The following EEF1D variants were observed in gnomAD, a reference collection of about 807,000 sequenced individuals.
EEF1D encodes eukaryotic translation elongation factor 1 delta, also known as elongation factor 1-delta.
EEF1D carries 47 observed loss-of-function variants against 63.9 expected under a neutral mutation model. That is an observed-to-expected ratio of 0.74 (90% CI 0.58 to 0.94). EEF1D has a LOEUF of 0.94. Ranked by LOEUF, EEF1D falls within the 40% of genes least tolerant of loss-of-function variation. The probability of loss-of-function intolerance (pLI) is 0.00; values close to 1 mark genes in which losing one functional copy is unlikely to be tolerated. For synonymous variants in EEF1D, 412 were observed against 386.1 expected, an observed-to-expected ratio of 1.07 and a Z score of -0.79; for missense variants, 907 against 899.0, an observed-to-expected ratio of 1.01 and a Z score of -0.11.
At chr8:143,586,700 C>T (rs754598071) in intron 4 of EEF1D, 29 bp downstream of exon 4, 171 of 1,606,864 alleles carry the variant, frequency 1.1e-4, no homozygotes, top group Non-Finnish European at 1.3e-4. Context: ...GCAGCAGAGC[C>T]GCCCAGCCGC....
chr8:143,595,542 A>C (rs1828653489), intron 1 of EEF1D, among the ~76,000 whole-genome samples: 1 of 152,136 alleles, frequency 6.6e-6, no homozygotes, highest in African/African-American at 2.4e-5. Flanking sequence ...CCACAGTTCC[A>C]CATTCCCACT....
In EEF1D at chr8:143,589,976, CCG is replaced by C; in HGVS notation, c.104_105del (p.Ala35GlyfsTer23). 1 of 1,599,198 alleles carries C rather than the reference CCG, an allele frequency of 6.3e-7. No individual in the cohort carries two copies. The highest frequency in any genetic ancestry group is 1.1e-5 in the South Asian group (1 of 91,042). On this transcript the variant is annotated frameshift_variant, in exon 3 of 10. Transcript: ENST00000618139. LOFTEE classifies it high-confidence loss of function. ...GCTGGCAGCTGCTGGGCGGAGGCGG[CCG>C]CCTGTGTGGCCTCGTGTTCGTAGAA... is the stretch of plus-strand genomic sequence containing the variant. ...RRFYEHEATQ[A>X]AASAQQLPAE...
Position 143,592,174 on chromosome 8 carries a change from T to C in EEF1D, c.-1+473A>G, listed in dbSNP as rs370698960. ...GCCCAGGAGACAGGGCATTGTGACA[T>C]CGTGCGGTGGTACCCCCACCAGTCT... is the stretch of plus-strand genomic sequence containing the variant. On this transcript the variant is annotated intron_variant, in intron 2 of 9. Coordinates refer to ENST00000618139, the MANE Select transcript of EEF1D (RefSeq NM_001130053.5). 1.1e-3 allele frequency: 1,117 copies of C among 985,366 alleles called. 6 individuals carry two copies. In the African/African-American group the frequency reaches 0.017, roughly 15 times the overall value. The allele number at this position is 985,366 out of a possible 1,614,324, so 61.0% of individuals were successfully genotyped here. A position where few individuals can be genotyped will look rare whatever the true frequency, so the allele number is the denominator to read the frequency against.
At chr8:143,581,726 G>A in intron 5 of EEF1D, 1 of 212,956 alleles carries the variant, frequency 4.7e-6, no homozygotes, top group South Asian at 1.0e-4. Context: ...GGAGGCGGGA[G>A]CAGCTGAGGG....
intron 3 of EEF1D, 45 bp downstream of exon 3, chr8:143,588,946 T>G: frequency 6.4e-7 from 1 of 1,561,474 alleles, no homozygotes; most frequent in Admixed American, 1.8e-5. Context: ...GCTGTCCCTG[T>G]GCCCACAGCC....
At chr8:143,584,470 C>T (rs1006810457) in intron 5 of EEF1D, among the ~76,000 whole-genome samples, 3 of 151,740 alleles carry the variant, frequency 2.0e-5, no homozygotes, top group East Asian at 1.9e-4. Flanking sequence ...GGGAGGCTGA[C>T]ACAGGAGAAT....
At chr8:143,585,358 C>A (rs940604237) in intron 5 of EEF1D, among the ~76,000 whole-genome samples, 1 of 152,116 alleles carries the variant, frequency 6.6e-6, no homozygotes, top group African/African-American at 2.4e-5. Context: ...AAACAAGCAA[C>A]GTGGGCATCC....
In EEF1D at chr8:143,592,636, C is replaced by A. The variant is rs569913562; in HGVS notation, c.-1+11G>T. On this transcript the variant is annotated intron_variant, in intron 2 of 9. Coordinates refer to ENST00000618139, the MANE Select transcript of EEF1D (RefSeq NM_001130053.5). ...AAGGGGAATGGGGCATGAGGACAGG[C>A]GAGTACTTACTTTGCTTTGGCCTCC... The A allele has an allele frequency of 1.0e-6, 1 of 985,582 alleles. No individual in the cohort carries two copies. Among genetic ancestry groups the A allele is most frequent in the Non-Finnish European group, 1.2e-6 (1 of 830,018 alleles). 61.1% of individuals were successfully genotyped at this position (985,582 alleles called of 1,614,324 possible). A position where few individuals can be genotyped will look rare whatever the true frequency, so the allele number is the denominator to read the frequency against.
intron 5 of EEF1D, 94 bp from the exon 6 acceptor site, chr8:143,581,422 C>T (rs1825539518): frequency 2.5e-6 from 3 of 1,183,444 alleles, no homozygotes; most frequent in African/African-American, 3.1e-5. Context: ...GGAAGGAAAA[C>T]TACAGCTCGG....
chr8:143,588,953 A>G, intron 3 of EEF1D, 38 bp downstream of exon 3: 3 of 1,571,286 alleles, frequency 1.9e-6, no homozygotes, highest in Non-Finnish European at 2.6e-6. Flanking sequence ...CTGTGCCCAC[A>G]GCCCAGGCTG....
chr8:143,593,687 G>A (rs1828342999), intron 1 of EEF1D, among the ~76,000 whole-genome samples: 1 of 152,128 alleles, frequency 6.6e-6, no homozygotes. Context: ...GGGCTTCCCT[G>A]CAGAGAGGAA....
chr8:143,583,553 T>A (rs1825956864), intron 5 of EEF1D: 1 of 152,254 alleles, frequency 6.6e-6, no homozygotes, highest in Non-Finnish European at 1.5e-5. Context: ...GTCAGGTGCC[T>A]GGGCAAGCCA....
At chr8:143,585,487 C>T (rs900066589) in intron 5 of EEF1D, among the ~76,000 whole-genome samples, 2 of 152,298 alleles carry the variant, frequency 1.3e-5, no homozygotes, top group East Asian at 1.9e-4. Flanking sequence ...CCTGGAAACC[C>T]GGCATGATAC....
chr8:143,592,268 C>T lies in EEF1D; in HGVS notation c.-1+379G>A. On this transcript the variant is annotated intron_variant, in intron 2 of 9. Coordinates refer to ENST00000618139, the MANE Select transcript of EEF1D (RefSeq NM_001130053.5). ...TGAGCTGGCCCCCAGTGTTGATGCCCTACCAGACTTTATTGGCCAAAGTGG... is the reference window on the plus strand; with the variant it reads ...TGAGCTGGCCCCCAGTGTTGATGCCTTACCAGACTTTATTGGCCAAAGTGG... 4.1e-6 allele frequency: 4 copies of T among 985,502 alleles called. No homozygotes were observed. In the South Asian group the frequency reaches 1.4e-4, roughly 35 times the overall value. 61.0% of individuals were successfully genotyped at this position (985,502 alleles called of 1,614,324 possible).
rs773610390 is a variant in EEF1D at position 143,579,838 on chromosome 8, G to A, written c.1906-8C>T. Reference sequence around the variant, plus strand: ...GATATCGACACTCTGCACCTGAGGAGAGGCGGAGGGTGACGGTCAGGGCTG... The same window carrying A: ...GATATCGACACTCTGCACCTGAGGAAAGGCGGAGGGTGACGGTCAGGGCTG... On this transcript the variant is annotated splice_region_variant and splice_polypyrimidine_tract_variant and intron_variant, in intron 9 of 9. Transcript: ENST00000618139. 6.4e-7 allele frequency: 1 copy of A among 1,557,370 alleles called. No homozygotes were observed. Among genetic ancestry groups the A allele is most frequent in the Non-Finnish European group, 8.7e-7 (1 of 1,149,248 alleles).
In EEF1D at chr8:143,589,963, T is replaced by C; in HGVS notation, c.119A>G (p.Gln40Arg). ...GGCTGGCCCCTCGGCTGGCAGCTGC[T>C]GGGCGGAGGCGGCCGCCTGTGTGGC... ...HEATQAAASA[Q>R]QLPAEGPAMN... Residue 40 changes from glutamine (Q) to arginine (R), a missense_variant, in exon 3 of 10, where the codon CAG (glutamine) becomes CGG (arginine). Gln to Arg is a conservative substitution (Grantham distance 43, BLOSUM62 1). Transcript: ENST00000618139. The C allele has an allele frequency of 6.3e-7, 1 of 1,598,946 alleles. No homozygotes were observed. Among genetic ancestry groups the C allele is most frequent in the Non-Finnish European group, 8.5e-7 (1 of 1,179,236 alleles).
At chr8:143,584,664 A>T (rs1180469629) in intron 5 of EEF1D, among the ~76,000 whole-genome samples, 2 of 151,878 alleles carry the variant, frequency 1.3e-5, no homozygotes, top group East Asian at 1.9e-4. Context: ...GACTCAGAGG[A>T]GGTGAGGAGC....
chr8:143,580,291 T>C, intron 8 of EEF1D, 85 bp from the exon 9 acceptor site: 3 of 1,402,248 alleles, frequency 2.1e-6, no homozygotes, highest in Non-Finnish European at 9.7e-7. Context: ...CCTCAACCAC[T>C]GTGTGTCCAC....
intron 3 of EEF1D, chr8:143,588,689 G>C (rs1827194225): frequency 4.5e-6 from 2 of 448,616 alleles, no homozygotes; most frequent in African/African-American, 2.0e-5. Context: ...AGGGGACTTG[G>C]GGAGCTTCCC....
Sources: allele counts gnomAD v4.1 joint callset (sites outside exome capture counted in the v4.1 genomes callset), GRCh38; gene constraint gnomAD v4.1.1; transcripts MANE v1.5; gene names NCBI Gene and HGNC (gene_info 2026-07-23, HGNC 2026-07-21).